The following PCM1 variants were observed in gnomAD, a reference collection of about 807,000 sequenced individuals.
PCM1 encodes pericentriolar material 1.
A neutral mutation model predicts 241.9 loss-of-function variants in PCM1; 157 were observed. The ratio of observed to expected loss-of-function variants is 0.65; its 90% CI spans 0.57 to 0.74. PCM1 has a LOEUF of 0.74. Ranked by LOEUF, PCM1 falls within the 30% of genes least tolerant of loss-of-function variation. PCM1 has a pLI of 0.00. For missense variants in PCM1, 3,478 were observed against 2,360.1 expected (o/e 1.47, Z -9.81); for synonymous variants, 1,085 against 784.9 (o/e 1.38, Z -6.39).
At chr8:17,946,701 G>C (rs911432219) in intron 6 of PCM1, among the ~76,000 whole-genome samples, 9 of 152,024 alleles carry the variant, frequency 5.9e-5, no homozygotes, top group African/African-American at 2.2e-4. Context: ...TTCATATGTT[G>C]GTCAGGCTGG....
At chr8:17,983,680 CAAAA>C (rs2081694189) in intron 24 of PCM1, among the ~76,000 whole-genome samples, 1 of 151,958 alleles carries the variant, frequency 6.6e-6, no homozygotes, top group Non-Finnish European at 1.5e-5. Context: ...AGTCATCAAA[CAAAA>C]CAATGATTAC....
intron 22 of PCM1, among the ~76,000 whole-genome samples, chr8:17,971,321 G>T (rs1326643150): frequency 6.6e-6 from 1 of 152,162 alleles, no homozygotes; most frequent in African/African-American, 2.4e-5. Flanking sequence ...CAGTGTTGTT[G>T]TTCACGCTAG....
chr8:17,939,265 T>C lies in PCM1; in HGVS notation c.612+256T>C, dbSNP rs956018529. Among the ~76,000 whole-genome samples, 4 of 152,192 alleles carry C rather than the reference T, an allele frequency of 2.6e-5. No individual in the cohort carries two copies. In the South Asian group the frequency reaches 6.2e-4, roughly 24 times the overall value. ...TACAAAATAGCATATTGCCAGTTTT[T>C]AGTAAAGGGGGATTGGAAGGAAAGT... On this transcript the variant is annotated intron_variant, in intron 5 of 38. Coordinates refer to ENST00000325083, the MANE Select transcript of PCM1 (RefSeq NM_006197.4).
At chr8:17,962,291 A>G (rs1387958648) in intron 16 of PCM1, 117 bp downstream of exon 16, 1 of 790,044 alleles carries the variant, frequency 1.3e-6, no homozygotes, top group Non-Finnish European at 1.9e-6. Flanking sequence ...GTTTGTAAAT[A>G]GTAGTCTGCT....
chr8:17,966,506 T>A, intron 20 of PCM1, 33 bp downstream of exon 20: 6 of 1,599,238 alleles, frequency 3.8e-6, no homozygotes, highest in Non-Finnish European at 5.1e-6. Context: ...TGAGACTGTA[T>A]AAGAGCTAAC....
At chr8:17,973,893 A>G (rs1018700566) in intron 23 of PCM1, among the ~76,000 whole-genome samples, 7 of 152,294 alleles carry the variant, frequency 4.6e-5, no homozygotes, top group East Asian at 3.9e-4. Context: ...AACTTTGGCA[A>G]CCTTCATCTT....
chr8:17,973,383 G>A (rs900952219), intron 23 of PCM1, among the ~76,000 whole-genome samples: 1 of 152,096 alleles, frequency 6.6e-6, no homozygotes, highest in Non-Finnish European at 1.5e-5. Context: ...CAAAGGATGG[G>A]CTATGGCCTT....
At chr8:17,988,644 C>G (rs928471474) in intron 26 of PCM1, among the ~76,000 whole-genome samples, 1 of 151,768 alleles carries the variant, frequency 6.6e-6, no homozygotes, top group Non-Finnish European at 1.5e-5. Context: ...GATATATAGA[C>G]TGTATAAAGC....
At chr8:18,019,241 C>T (rs1347931634) in intron 36 of PCM1, among the ~76,000 whole-genome samples, 2 of 152,038 alleles carry the variant, frequency 1.3e-5, no homozygotes, top group Non-Finnish European at 2.9e-5. Context: ...AAATTGTATT[C>T]TGTCTATATG....
At chr8:18,024,753 T>C (rs1233883770) in intron 36 of PCM1, among the ~76,000 whole-genome samples, 4 of 152,168 alleles carry the variant, frequency 2.6e-5, no homozygotes, top group Admixed American at 2.0e-4. Context: ...TCTACTATTA[T>C]ATAAGTATGA....
intron 36 of PCM1, among the ~76,000 whole-genome samples, chr8:18,018,780 C>T (rs1176960332): frequency 6.8e-6 from 1 of 146,314 alleles, no homozygotes; most frequent in Non-Finnish European, 1.5e-5. Flanking sequence ...CACTGCACTC[C>T]AGCCTGGCCA....
intron 30 of PCM1, among the ~76,000 whole-genome samples, chr8:18,008,961 T>C (rs148896374): frequency 6.6e-6 from 1 of 152,350 alleles, no homozygotes; most frequent in African/African-American, 2.4e-5. Flanking sequence ...TTCTTTTACA[T>C]GATCCTATAT....
chr8:17,998,248 G>A (rs1187134297), intron 29 of PCM1, among the ~76,000 whole-genome samples: 1 of 151,940 alleles, frequency 6.6e-6, no homozygotes, highest in East Asian at 1.9e-4. Context: ...TGATGTTTGT[G>A]GATGTTTGTT....
rs77187734 is a variant in PCM1, at chr8:17,929,098, T to A, written c.-23+4318T>A. Among the ~76,000 whole-genome samples, 52 of 152,276 alleles carry A rather than the reference T, an allele frequency of 3.4e-4. No homozygotes were observed. In the East Asian group the frequency reaches 8.7e-3, roughly 25 times the overall value. On this transcript the variant is annotated intron_variant, in intron 2 of 38. Coordinates refer to ENST00000325083, the MANE Select transcript of PCM1 (RefSeq NM_006197.4). Reference sequence around the variant, plus strand: ...TTCCCTCTTCCTTCCAATAATACATTCCAGTTATGGAATTGACCCTCACTA... The same window carrying A: ...TTCCCTCTTCCTTCCAATAATACATACCAGTTATGGAATTGACCCTCACTA...
chr8:17,947,446 A>G (rs1189242749), intron 7 of PCM1, 83 bp downstream of exon 7: 4 of 965,196 alleles, frequency 4.1e-6, no homozygotes, highest in South Asian at 3.8e-5. Context: ...ATTATTACAT[A>G]ATCAGATCTT....
intron 1 of PCM1, among the ~76,000 whole-genome samples, chr8:17,924,112 C>G (rs118185817): frequency 6.6e-5 from 10 of 152,110 alleles, no homozygotes; most frequent in Admixed American, 2.0e-4. Context: ...CACCCCCGCC[C>G]CATAACCGCT....
intron 24 of PCM1, among the ~76,000 whole-genome samples, chr8:17,983,648 A>T (rs6586675): frequency 0.24 from 36,094 of 151,968 alleles, 4,841 homozygotes; most frequent in African/African-American, 0.38. Flanking sequence ...TTATCTTTCC[A>T]TTTCAGTCAG....
intron 36 of PCM1, among the ~76,000 whole-genome samples, chr8:18,019,586 T>C (rs918599631): frequency 2.0e-5 from 3 of 152,170 alleles, no homozygotes; most frequent in Non-Finnish European, 4.4e-5. Context: ...CATCAGGCAT[T>C]AGAGTCTCAT....
intron 26 of PCM1, among the ~76,000 whole-genome samples, chr8:17,989,397 T>C (rs2129478036): frequency 6.6e-6 from 1 of 152,160 alleles, no homozygotes; most frequent in East Asian, 1.9e-4. Context: ...ACTGTACATT[T>C]AAAGTGAGTG....
Sources: gnomAD v4.1 joint callset for allele counts (sites outside exome capture counted in the v4.1 genomes callset) on GRCh38, gnomAD v4.1.1 for gene constraint, MANE v1.5 for transcripts, NCBI Gene and HGNC (gene_info 2026-07-23, HGNC 2026-07-21) for gene names.